The following PATL2 variants were observed in gnomAD, a reference collection of about 807,000 sequenced individuals.
PATL2 encodes protein PAT1 homolog 2.
In PATL2, 73 loss-of-function variants were observed where a neutral mutation model predicts 77.0. The ratio of observed to expected loss-of-function variants is 0.95; its 90% CI spans 0.78 to 1.15. The LOEUF is 1.15. PATL2 is among the 50% of genes most tolerant of loss of function. The pLI is 0.00. For synonymous variants in PATL2, 265 were observed against 257.1 expected (o/e 1.03, Z -0.29); for missense variants, 618 against 655.4 (o/e 0.94, Z 0.62).
At chr15:44,706,705 A>C (rs750897227) in intron 3 of PATL2, among the ~76,000 whole-genome samples, 1 of 152,218 alleles carries the variant, frequency 6.6e-6, no homozygotes. Flanking sequence ...TCAGACGTGA[A>C]GCCAGCATAG....
At chr15:44,701,278 G>C (rs1348064693) in intron 3 of PATL2, among the ~76,000 whole-genome samples, 1 of 150,808 alleles carries the variant, frequency 6.6e-6, no homozygotes, top group Non-Finnish European at 1.5e-5. Context: ...TTATGTGTCT[G>C]TCTAGTTTTG....
At position 44,666,435 on chromosome 15, in the gene PATL2, G is replaced by T; in HGVS notation, c.1570C>A (p.His524Asn). The T allele has an allele frequency of 6.4e-7, 1 of 1,551,708 alleles. No individual in the cohort carries two copies. The highest frequency in any genetic ancestry group is 1.2e-5 in the South Asian group (1 of 84,052). ...PSNLLPLFCH[H>N]VDKQLVQQLE... ...TGCTGAACCAATTGTTTGTCCACGTGGTGACAGAACAGGGGAAGTAGGTTG... is the reference window on the plus strand; with the variant it reads ...TGCTGAACCAATTGTTTGTCCACGTTGTGACAGAACAGGGGAAGTAGGTTG... The change falls in exon 17 of 18, where the codon CAC becomes AAC. Residue 524 changes from histidine to asparagine, a missense_variant. Coordinates refer to ENST00000682850, the MANE Select transcript of PATL2 (RefSeq NM_001387263.1).
At chr15:44,679,578 A>C (rs1485226749) in intron 3 of PATL2, among the ~76,000 whole-genome samples, 1 of 120,610 alleles carries the variant, frequency 8.3e-6, no homozygotes, top group East Asian at 2.4e-4. Context: ...TTTTTAGTAG[A>C]GATAGGCTTT....
rs1260099445 is a variant in PATL2 at position 44,666,374 on chromosome 15, G to A, written c.1613+18C>T. The A allele has an allele frequency of 1.3e-6, 2 of 1,551,624 alleles. No homozygotes were observed. Among genetic ancestry groups the A allele is most frequent in the Admixed American group, 2.0e-5 (1 of 51,004 alleles). ...GGCTTGAACAAGGGGCTTTGACCTT[G>A]TTTCTGCCATTACTTACTCCATCCT... On this transcript the variant is annotated intron_variant, in intron 17 of 17. Coordinates refer to ENST00000682850, the MANE Select transcript of PATL2 (RefSeq NM_001387263.1).
chr15:44,709,005 TCTC>T (rs776049739), intron 3 of PATL2, among the ~76,000 whole-genome samples: 8 of 152,198 alleles, frequency 5.3e-5, no homozygotes, highest in Admixed American at 2.0e-4. Context: ...TTCAAGCAAT[TCTC>T]CTGCCTCAGC....
intron 3 of PATL2, among the ~76,000 whole-genome samples, chr15:44,698,752 T>C (rs1275572863): frequency 6.6e-6 from 1 of 152,270 alleles, no homozygotes; most frequent in African/African-American, 2.4e-5. Context: ...CTTTTGCGTA[T>C]ATACCCAGGA....
At chr15:44,683,955 G>C (rs535403694) in intron 3 of PATL2, among the ~76,000 whole-genome samples, 2 of 152,124 alleles carry the variant, frequency 1.3e-5, no homozygotes, top group African/African-American at 4.8e-5. Context: ...AGGAAAACAG[G>C]GTCTGGAGTG....
chr15:44,676,835 A>G, intron 3 of PATL2: 1 of 1,125,058 alleles, frequency 8.9e-7, no homozygotes, highest in South Asian at 2.2e-5. Context: ...TCACCGTCCG[A>G]GTGTGGTGAT....
chr15:44,669,678 C>A, intron 11 of PATL2, 99 bp downstream of exon 11: 1 of 1,504,556 alleles, frequency 6.6e-7, no homozygotes, highest in Non-Finnish European at 9.0e-7. Context: ...TCTGATCACA[C>A]TTCTTCCTCC....
chr15:44,696,109 C>T (rs187076291), intron 3 of PATL2, among the ~76,000 whole-genome samples: 90 of 152,274 alleles, frequency 5.9e-4, no homozygotes, highest in Middle Eastern at 6.8e-3. Context: ...TGCACGGAAT[C>T]CAAGGCAAGA....
At chr15:44,676,717 A>G (rs1203101099) in intron 3 of PATL2, 152 bp from the exon 4 acceptor site, 2 of 1,214,672 alleles carry the variant, frequency 1.6e-6, no homozygotes, top group Non-Finnish European at 1.1e-6. Flanking sequence ...AGACTGCCAT[A>G]AACACCCACC....
chr15:44,686,976 C>A (rs1370581399), intron 3 of PATL2, among the ~76,000 whole-genome samples: 2 of 152,178 alleles, frequency 1.3e-5, no homozygotes, highest in Non-Finnish European at 2.9e-5. Flanking sequence ...ACCAGAGGTA[C>A]AATGAGGAGC....
chr15:44,706,095 T>C (rs2086730945), intron 3 of PATL2, among the ~76,000 whole-genome samples: 1 of 152,194 alleles, frequency 6.6e-6, no homozygotes, highest in African/African-American at 2.4e-5. Context: ...CCACCGTGCC[T>C]GACCAAAACA....
At chr15:44,700,902 G>T (rs2086614459) in intron 3 of PATL2, among the ~76,000 whole-genome samples, 1 of 152,078 alleles carries the variant, frequency 6.6e-6, no homozygotes, top group African/African-American at 2.4e-5. Flanking sequence ...CTAGCTGTGG[G>T]TTTGTCATAT....
intron 3 of PATL2, among the ~76,000 whole-genome samples, chr15:44,683,776 C>T (rs909953689): frequency 6.6e-6 from 1 of 152,202 alleles, no homozygotes; most frequent in African/African-American, 2.4e-5. Flanking sequence ...AAGTGTGTCC[C>T]TGACCCCCAT....
chr15:44,706,338 A>C (rs1566872021), intron 3 of PATL2, among the ~76,000 whole-genome samples: 1 of 152,192 alleles, frequency 6.6e-6, no homozygotes. Context: ...TTGTGATCTA[A>C]GTTTTTGGTC....
At chr15:44,678,517 T>A (rs1015442698) in intron 3 of PATL2, among the ~76,000 whole-genome samples, 14 of 152,166 alleles carry the variant, frequency 9.2e-5, no homozygotes, top group African/African-American at 3.4e-4. Context: ...TTTCCTGCCA[T>A]CATTTCATTA....
At chr15:44,701,490 G>A (rs2086628293) in intron 3 of PATL2, among the ~76,000 whole-genome samples, 1 of 151,862 alleles carries the variant, frequency 6.6e-6, no homozygotes, top group Non-Finnish European at 1.5e-5. Context: ...GAGGCCAGGA[G>A]TTTGAGACCA....
chr15:44,700,689 A>G (rs1026715880), intron 3 of PATL2, among the ~76,000 whole-genome samples: 3 of 152,138 alleles, frequency 2.0e-5, no homozygotes, highest in Admixed American at 6.5e-5. Context: ...TTTTTTTCAA[A>G]TATAAGATCA....
Sources: allele counts gnomAD v4.1 joint callset (sites outside exome capture counted in the v4.1 genomes callset), GRCh38; gene constraint gnomAD v4.1.1; transcripts MANE v1.5; gene names NCBI Gene and HGNC (gene_info 2026-07-23, HGNC 2026-07-21).